The following IL26 variants were observed in gnomAD, a reference collection of about 807,000 sequenced individuals.
IL26 encodes interleukin 26.
A neutral mutation model predicts 21.7 loss-of-function variants in IL26; 23 were observed. The observed-to-expected ratio is 1.06, with a 90% CI of 0.76 to 1.50. The LOEUF (loss-of-function observed/expected upper bound fraction) is 1.50. Ranked by LOEUF, IL26 falls within the 40% of genes most tolerant of loss-of-function variation. The pLI is 0.00. For synonymous variants in IL26, 63 were observed against 67.8 expected (o/e 0.93, Z 0.34); for missense variants, 204 against 196.0 (o/e 1.04, Z -0.24).
intron 3 of IL26, among the ~76,000 whole-genome samples, chr12:68,213,673 A>G (rs556973158): frequency 4.6e-5 from 7 of 151,968 alleles, no homozygotes; most frequent in Non-Finnish European, 1.0e-4. Context: ...TTTCCGTAAT[A>G]TTCTGTAATT....
intron 3 of IL26, among the ~76,000 whole-genome samples, chr12:68,204,141 A>ATTTTTTCTTTTTTTTTTTT (rs1868464223): frequency 8.8e-6 from 1 of 113,216 alleles, no homozygotes; most frequent in African/African-American, 3.5e-5. Context: ...GGATTCAAAG[A>ATTTTTTCTTTTTTTTTTTT]TTTTTTTTTT....
chr12:68,215,439 T>C (rs1196133194), intron 3 of IL26, among the ~76,000 whole-genome samples: 1 of 152,190 alleles, frequency 6.6e-6, no homozygotes, highest in East Asian at 1.9e-4. Flanking sequence ...ATTAGCATTC[T>C]GGGATATTGC....
intron 3 of IL26, among the ~76,000 whole-genome samples, chr12:68,224,727 G>A (rs1869184134): frequency 7.1e-6 from 1 of 141,338 alleles, no homozygotes; most frequent in Non-Finnish European, 1.6e-5. Context: ...AGGGAAGGAA[G>A]GGAGGGAGGG....
At chr12:68,205,331 A>AC (rs11571051) in intron 3 of IL26, among the ~76,000 whole-genome samples, 3,756 of 130,090 alleles carry the variant, frequency 0.029, 178 homozygotes, top group African/African-American at 0.097. Flanking sequence ...AAAACATTAG[A>AC]CCCCCCCCAA....
chr12:68,216,987 T>G (rs1812694582), intron 3 of IL26, among the ~76,000 whole-genome samples: 1 of 152,244 alleles, frequency 6.6e-6, no homozygotes, highest in Non-Finnish European at 1.5e-5. Flanking sequence ...TCTGAGAGTA[T>G]TTGAGTTCTG....
intron 3 of IL26, among the ~76,000 whole-genome samples, chr12:68,213,324 T>G (rs148699740): frequency 1.8e-3 from 281 of 152,236 alleles, no homozygotes; most frequent in Non-Finnish European, 3.4e-3. Context: ...TTAGAAACAT[T>G]GGCCTGCAGT....
chr12:68,223,193 C>G (rs1026677244), intron 3 of IL26, among the ~76,000 whole-genome samples: 2 of 152,164 alleles, frequency 1.3e-5, no homozygotes, highest in Non-Finnish European at 2.9e-5. Context: ...ATAAACTGCA[C>G]AGCTTGTAAG....
In IL26 at chr12:68,225,810, T is replaced by C. The variant is rs541064118; in HGVS notation, c.-54A>G. 2.5e-6 allele frequency: 4 copies of C among 1,578,958 alleles called. No individual in the cohort carries two copies. The highest frequency in any genetic ancestry group is 2.2e-5 in the East Asian group (1 of 44,706). On this transcript the variant is annotated 5_prime_UTR_variant, in exon 1 of 5. Transcript: ENST00000229134. ...CTCACAGCAGCCCAAGAGATACTAATGCCGGTTAGATGAGAGGATAACCTA... is the reference window on the plus strand; with the variant it reads ...CTCACAGCAGCCCAAGAGATACTAACGCCGGTTAGATGAGAGGATAACCTA...
At chr12:68,206,466 G>T (rs1474666166) in intron 3 of IL26, among the ~76,000 whole-genome samples, 1 of 152,110 alleles carries the variant, frequency 6.6e-6, no homozygotes, top group Non-Finnish European at 1.5e-5. Context: ...AAAGGCAGTT[G>T]CTTACTGGCA....
chr12:68,205,874 A>G (rs1363881032), intron 3 of IL26, among the ~76,000 whole-genome samples: 1 of 152,138 alleles, frequency 6.6e-6, no homozygotes, highest in African/African-American at 2.4e-5. Flanking sequence ...TCTAATGTCA[A>G]TTTGTTTTCT....
rs11571033 is a variant in IL26 at position 68,211,303 on chromosome 12, TC to T, written c.364-9221del. Among the ~76,000 whole-genome samples the T allele has an allele frequency of 7.7e-3, 1,170 of 152,300 alleles. 13 individuals carry two copies. The highest frequency in any genetic ancestry group is 0.027 in the African/African-American group (1,109 of 41,564). ...ATACCACATTTTCTTTATCCATTCATCCATTGATGAGCACTTAGATTGATTC... is the reference window on the plus strand; with the variant it reads ...ATACCACATTTTCTTTATCCATTCATCATTGATGAGCACTTAGATTGATTC... On this transcript the variant is annotated intron_variant, in intron 3 of 4. Transcript: ENST00000229134.
chr12:68,220,345 T>C (rs1251680850), intron 3 of IL26, among the ~76,000 whole-genome samples: 1 of 152,150 alleles, frequency 6.6e-6, no homozygotes, highest in Non-Finnish European at 1.5e-5. Context: ...AGAAATAATA[T>C]ATTATTGCCA....
chr12:68,221,714 C>T (rs780769428), intron 3 of IL26, among the ~76,000 whole-genome samples: 7 of 152,114 alleles, frequency 4.6e-5, no homozygotes, highest in Non-Finnish European at 7.4e-5. Context: ...TAACTACTTC[C>T]GGGTTATACC....
intron 3 of IL26, among the ~76,000 whole-genome samples, chr12:68,205,891 G>A (rs547753364): frequency 6.6e-6 from 1 of 152,142 alleles, no homozygotes; most frequent in African/African-American, 2.4e-5. Flanking sequence ...TTCTGGGATT[G>A]CTTCTTCTAT....
At position 68,204,141 on chromosome 12, in the gene IL26, A is replaced by ATTTTTTTTTTTTTTTTTTTTTTTTTTT. The variant is rs6144754; in HGVS notation, c.364-2059_364-2058insAAAAAAAAAAAAAAAAAAAAAAAAAAA. ...TAAAATCATGTGTTAGGATTCAAAG[A>ATTTTTTTTTTTTTTTTTTTTTTTTTTT]TTTTTTTTTTTTTTTTTTTTGAGGC... On this transcript the variant is annotated intron_variant, in intron 3 of 4. Coordinates refer to ENST00000229134, the MANE Select transcript of IL26 (RefSeq NM_018402.2). Among the ~76,000 whole-genome samples, 78 of 113,160 alleles carry ATTTTTTTTTTTTTTTTTTTTTTTTTTT rather than the reference A, an allele frequency of 6.9e-4. 2 individuals are homozygous for ATTTTTTTTTTTTTTTTTTTTTTTTTTT. Among genetic ancestry groups the ATTTTTTTTTTTTTTTTTTTTTTTTTTT allele is most frequent in the Non-Finnish European group, 9.7e-4 (55 of 56,800 alleles). 74.2% of individuals were successfully genotyped at this position (113,160 alleles called of 152,430 possible). A position where few individuals can be genotyped will look rare whatever the true frequency, so the allele number is the denominator to read the frequency against.
intron 3 of IL26, among the ~76,000 whole-genome samples, chr12:68,211,295 T>A (rs1184409349): frequency 6.6e-6 from 1 of 152,124 alleles, no homozygotes; most frequent in South Asian, 2.1e-4. Flanking sequence ...ATTTTCTTTA[T>A]CCATTCATCC....
chr12:68,224,028 A>C (rs1331347006), intron 3 of IL26, among the ~76,000 whole-genome samples: 1 of 106,928 alleles, frequency 9.4e-6, no homozygotes, highest in African/African-American at 4.0e-5. Context: ...CTTAACTCTT[A>C]AAAAATAAAC....
chr12:68,224,188 G>C (rs986279094), intron 3 of IL26, among the ~76,000 whole-genome samples: 1 of 152,126 alleles, frequency 6.6e-6, no homozygotes, highest in African/African-American at 2.4e-5. Context: ...CAGGAGGCTG[G>C]AGAAAGCATA....
chr12:68,216,715 A>G (rs1868895573), intron 3 of IL26, among the ~76,000 whole-genome samples: 1 of 152,260 alleles, frequency 6.6e-6, no homozygotes, highest in Non-Finnish European at 1.5e-5. Flanking sequence ...CAAGTTACTT[A>G]TTAAACAGTC....
Sources: allele counts gnomAD v4.1 joint callset (sites outside exome capture counted in the v4.1 genomes callset), GRCh38; gene constraint gnomAD v4.1.1; transcripts MANE v1.5; gene names NCBI Gene and HGNC (gene_info 2026-07-23, HGNC 2026-07-21).